The following FBXW4 variants were observed in gnomAD, a reference collection of about 807,000 sequenced individuals.
The protein encoded by FBXW4 is F-box and WD repeat domain containing 4.
Under a neutral mutation model 61.8 loss-of-function variants are expected in FBXW4, and 40 were observed. That is an observed-to-expected ratio of 0.65 (90% CI 0.50 to 0.84). FBXW4 has a LOEUF of 0.84. Ranked by LOEUF, FBXW4 falls within the 40% of genes least tolerant of loss-of-function variation. The pLI, the probability that FBXW4 is intolerant of heterozygous loss-of-function variation, is 0.00. For synonymous variants in FBXW4, 311 were observed against 313.8 expected, an observed-to-expected ratio of 0.99 and a Z score of 0.10; for missense variants, 672 against 753.8, an observed-to-expected ratio of 0.89 and a Z score of 1.27.
chr10:101,663,193 C>G (rs2064262991), intron 5 of FBXW4, among the ~76,000 whole-genome samples: 1 of 152,188 alleles, frequency 6.6e-6, no homozygotes, highest in South Asian at 2.1e-4. Context: ...GAGAATGACA[C>G]TCCCCCTTCC....
chr10:101,621,594 G>A (rs950914692), intron 6 of FBXW4, among the ~76,000 whole-genome samples: 1 of 152,174 alleles, frequency 6.6e-6, no homozygotes, highest in African/African-American at 2.4e-5. Flanking sequence ...GAGCAGGAAA[G>A]AGACAGCTTG....
At chr10:101,629,919 A>C (rs1161715503) in intron 5 of FBXW4, among the ~76,000 whole-genome samples, 2 of 152,332 alleles carry the variant, frequency 1.3e-5, no homozygotes, top group Admixed American at 1.3e-4. Context: ...GCAGGGCAGC[A>C]CAAGTGGCGT....
Position 101,667,974 on chromosome 10 carries a change from G to A in FBXW4, c.1147C>T (p.Pro383Ser). 1 of 1,613,876 alleles carries A rather than the reference G, an allele frequency of 6.2e-7. No homozygotes were observed. The highest frequency in any genetic ancestry group is 8.5e-7 in the Non-Finnish European group (1 of 1,179,720). The change falls in exon 5 of 9, where the codon CCT (proline) becomes TCT (serine). Residue 383 changes from proline (P) to serine (S), a missense_variant. Physicochemically the swap from Pro to Ser is moderately conservative, Grantham distance 74. Around this residue, in one of 5 missense-constraint regions of FBXW4, gnomAD observed 312 missense variants for 370.1 expected, o/e 0.84. Coordinates refer to ENST00000331272, the MANE Select transcript of FBXW4 (RefSeq NM_022039.4). ...GSRDRTAKVWPLASGRLGQCL... is the reference protein window; with the variant it reads ...GSRDRTAKVWSLASGRLGQCL... ...TGCCCCAGCCGGCCTGAGGCCAAAG[G>A]CCACACCTAGAAACAGGAGAGGAGA...
chr10:101,674,237 G>A (rs937652766), intron 2 of FBXW4, among the ~76,000 whole-genome samples: 1 of 151,742 alleles, frequency 6.6e-6, no homozygotes, highest in Admixed American at 6.6e-5. Context: ...GCTGAGGCAG[G>A]AGAATCGCTT....
At chr10:101,653,689 A>G (rs1269811674) in intron 5 of FBXW4, among the ~76,000 whole-genome samples, 2 of 152,198 alleles carry the variant, frequency 1.3e-5, no homozygotes, top group Non-Finnish European at 2.9e-5. Context: ...TGCATATATA[A>G]CCAAATAAAT....
chr10:101,637,390 T>TC (rs2064013234), intron 5 of FBXW4, among the ~76,000 whole-genome samples: 1 of 46,590 alleles, frequency 2.1e-5, no homozygotes, highest in Non-Finnish European at 3.7e-5. Context: ...AGACTCCGTC[T>TC]CAAAAAAAAA....
At chr10:101,643,264 G>T (rs564330222) in intron 5 of FBXW4, among the ~76,000 whole-genome samples, 1 of 152,350 alleles carries the variant, frequency 6.6e-6, no homozygotes, top group South Asian at 2.1e-4. Context: ...AGGCCCAGTA[G>T]GTGGCTGCTG....
In FBXW4 at chr10:101,673,646, A is replaced by G. The variant is rs2064380620; in HGVS notation, c.849T>C (p.Asp283=). The G allele has an allele frequency of 1.1e-5, 17 of 1,614,082 alleles. No individual in the cohort carries two copies. Among genetic ancestry groups the G allele is most frequent in the Non-Finnish European group, 1.4e-5 (17 of 1,179,912 alleles). Residue 283 remains aspartate, a synonymous_variant, in exon 3 of 9, where the codon GAT becomes GAC. Coordinates refer to ENST00000331272, the MANE Select transcript of FBXW4 (RefSeq NM_022039.4). ...TAGCCTGGGATATGTACAGAGAATC[A>G]TCCTCTAGCTGCATCCAGGGCATCT... is the stretch of plus-strand genomic sequence containing the variant. The part of the protein sequence containing the change: ...CSQMPWMQLE[D]DSLYISQANF...
chr10:101,672,082 C>G (rs1192325812), intron 4 of FBXW4, among the ~76,000 whole-genome samples: 1 of 152,184 alleles, frequency 6.6e-6, no homozygotes, highest in Non-Finnish European at 1.5e-5. Context: ...TTTAGAGGCC[C>G]ATTTGCTGAC....
intron 6 of FBXW4, 112 bp from the exon 7 acceptor site, chr10:101,612,589 G>A: frequency 4.1e-6 from 5 of 1,226,086 alleles, no homozygotes; most frequent in Non-Finnish European, 5.4e-6. Flanking sequence ...CAGCTAGAAT[G>A]AGACTCAAGG....
At chr10:101,642,918 A>G (rs2064066277) in intron 5 of FBXW4, among the ~76,000 whole-genome samples, 1 of 152,210 alleles carries the variant, frequency 6.6e-6, no homozygotes, top group Non-Finnish European at 1.5e-5. Context: ...GGGGGTACGC[A>G]CATACATACA....
chr10:101,625,951 G>C (rs1395343421), intron 5 of FBXW4: 2 of 152,240 alleles, frequency 1.3e-5, no homozygotes, highest in Non-Finnish European at 2.9e-5. Flanking sequence ...CCACAGAGAG[G>C]GCCCTGGAGA....
Position 101,673,579 on chromosome 10 carries a change from A to G in FBXW4, c.916T>C (p.Leu306=). 1 of 1,614,052 alleles carries G rather than the reference A, an allele frequency of 6.2e-7. No homozygotes were observed. The highest frequency in any genetic ancestry group is 8.5e-7 in the Non-Finnish European group (1 of 1,179,890). The change falls in exon 3 of 9, where the codon TTG becomes CTG. Residue 306 remains leucine, a synonymous_variant. Coordinates refer to ENST00000331272, the MANE Select transcript of FBXW4 (RefSeq NM_022039.4). The part of the protein sequence containing the change: ...AYQFRPDGAS[L]NRRPLGVFAG... ...AAGACTCCCAGAGGCCGACGATTCA[A>G]GCTGGCACCATCTGGACGGAACTGG...
chr10:101,678,122 T>C (rs2064435220), intron 1 of FBXW4, among the ~76,000 whole-genome samples: 1 of 152,212 alleles, frequency 6.6e-6, no homozygotes, highest in Non-Finnish European at 1.5e-5. Flanking sequence ...TAGTACTTTC[T>C]GGGTGAGCTG....
intron 7 of FBXW4, among the ~76,000 whole-genome samples, chr10:101,612,097 CCT>C (rs1412344719): frequency 6.6e-6 from 1 of 152,226 alleles, no homozygotes; most frequent in Non-Finnish European, 1.5e-5. Context: ...GTGACAGTAC[CCT>C]GACGGCTCCA....
chr10:101,673,575 T>C lies in FBXW4; in HGVS notation c.920A>G (p.Asn307Ser), dbSNP rs1284598152. ...AGCAAAGACTCCCAGAGGCCGACGA[T>C]TCAAGCTGGCACCATCTGGACGGAA... ...YQFRPDGASL[N>S]RRPLGVFAGH... Residue 307 changes from asparagine (N) to serine (S), a missense_variant, in exon 3 of 9, where the codon AAT becomes AGT. This residue lies in a region of FBXW4 where 312 missense variants were observed against 370.1 expected (regional missense o/e 0.84). Transcript: ENST00000331272. 3 of 1,614,010 alleles carry C rather than the reference T, an allele frequency of 1.9e-6. No homozygotes were observed. Among genetic ancestry groups the C allele is most frequent in the Non-Finnish European group, 8.5e-7 (1 of 1,179,890 alleles).
At chr10:101,686,982 A>G (rs1477137563) in intron 1 of FBXW4, among the ~76,000 whole-genome samples, 1 of 152,192 alleles carries the variant, frequency 6.6e-6, no homozygotes, top group Non-Finnish European at 1.5e-5. Flanking sequence ...GAAACATGGG[A>G]GGTCAAAGCT....
chr10:101,614,639 G>C (rs2063812683), intron 6 of FBXW4, among the ~76,000 whole-genome samples: 1 of 152,218 alleles, frequency 6.6e-6, no homozygotes, highest in African/African-American at 2.4e-5. Context: ...TCTTTCTGCT[G>C]TGCTGTTCTC....
At chr10:101,672,628 C>T (rs2064368252) in intron 4 of FBXW4, among the ~76,000 whole-genome samples, 1 of 152,174 alleles carries the variant, frequency 6.6e-6, no homozygotes, top group African/African-American at 2.4e-5. Flanking sequence ...GGAAACGCAA[C>T]TCAGGGAGGA....
Sources: gnomAD v4.1 joint callset for allele counts (sites outside exome capture counted in the v4.1 genomes callset) on GRCh38, gnomAD v4.1.1 for gene constraint, gnomAD v4.1.1 regional missense constraint, MANE v1.5 for transcripts, NCBI Gene and HGNC (gene_info 2026-07-23, HGNC 2026-07-21) for gene names.